Variants in ADCY8 observed in about 807,000 individuals in gnomAD.
The protein encoded by ADCY8 is adenylate cyclase 8.
ADCY8 carries 51 observed loss-of-function variants against 119.7 expected under a neutral mutation model. That is an observed-to-expected ratio of 0.43 (90% CI 0.34 to 0.54). The LOEUF (loss-of-function observed/expected upper bound fraction) is 0.54. Ranked by LOEUF, ADCY8 falls within the 20% of genes least tolerant of loss-of-function variation. ADCY8 has a pLI of 0.03. For missense variants in ADCY8, 1,383 were observed against 1,598.8 expected (o/e 0.87, Z 2.30); for synonymous variants, 665 against 651.0 (o/e 1.02, Z -0.33).
At chr8:130,827,766 T>G (rs1252540668) in intron 12 of ADCY8, among the ~76,000 whole-genome samples, 1 of 152,212 alleles carries the variant, frequency 6.6e-6, no homozygotes, top group Non-Finnish European at 1.5e-5. Context: ...GGTACAACAT[T>G]CATTGAAATG....
At chr8:130,875,018 A>G (rs2130425415) in intron 8 of ADCY8, among the ~76,000 whole-genome samples, 2 of 152,298 alleles carry the variant, frequency 1.3e-5, no homozygotes, top group South Asian at 4.1e-4. Context: ...CTGTAATTCT[A>G]TATTACACTG....
intron 5 of ADCY8, among the ~76,000 whole-genome samples, chr8:130,914,702 A>C (rs946963405): frequency 6.6e-6 from 1 of 152,186 alleles, no homozygotes; most frequent in Non-Finnish European, 1.5e-5. Flanking sequence ...TCCTAGCGAC[A>C]AGTCTTGTTC....
At chr8:130,850,199 C>G (rs887988276) in intron 9 of ADCY8, among the ~76,000 whole-genome samples, 1 of 152,276 alleles carries the variant, frequency 6.6e-6, no homozygotes, top group Non-Finnish European at 1.5e-5. Context: ...TCCACCTATC[C>G]TGATACCAAG....
intron 10 of ADCY8, among the ~76,000 whole-genome samples, chr8:130,848,756 C>T (rs12548835): frequency 0.3 from 45,738 of 152,048 alleles, 6,949 homozygotes; most frequent in African/African-American, 0.32. Flanking sequence ...ATCTAGCTGC[C>T]TGAGTCATGG....
intron 6 of ADCY8, among the ~76,000 whole-genome samples, chr8:130,907,933 C>T (rs531583739): frequency 5.3e-5 from 8 of 152,260 alleles, no homozygotes; most frequent in South Asian, 4.2e-4. Flanking sequence ...TGTCTATTCT[C>T]GTCTTTATGT....
chr8:130,924,300 C>T (rs1820398065), intron 5 of ADCY8, among the ~76,000 whole-genome samples: 1 of 152,064 alleles, frequency 6.6e-6, no homozygotes, highest in Admixed American at 6.5e-5. Flanking sequence ...GTTTGGAGTT[C>T]CAAGCTAAGG....
rs572272448 is a variant in ADCY8 at position 130,838,189 on chromosome 8, T to C, written c.2503-1740A>G. On this transcript the variant is annotated intron_variant, in intron 11 of 17. Coordinates refer to ENST00000286355, the MANE Select transcript of ADCY8 (RefSeq NM_001115.3). Reference sequence around the variant, plus strand: ...TTGACATTGACAAGTGTGGAGAGTGTCCTGACTGTGTTCTCTCAGAGGGCA... The same window carrying C: ...TTGACATTGACAAGTGTGGAGAGTGCCCTGACTGTGTTCTCTCAGAGGGCA... Among the ~76,000 whole-genome samples, 44 of 152,230 alleles carry C rather than the reference T, an allele frequency of 2.9e-4. No homozygotes were observed. In the South Asian group the frequency reaches 8.9e-3, roughly 31 times the overall value.
At chr8:130,846,770 C>T (rs1254312860) in intron 11 of ADCY8, among the ~76,000 whole-genome samples, 1 of 105,412 alleles carries the variant, frequency 9.5e-6, no homozygotes, top group Non-Finnish European at 1.9e-5. Context: ...CCTTCCCCTT[C>T]CTTCCTTCTC....
chr8:130,839,820 T>G (rs1817087165), intron 11 of ADCY8, among the ~76,000 whole-genome samples: 1 of 140,210 alleles, frequency 7.1e-6, no homozygotes, highest in Non-Finnish European at 1.6e-5. Context: ...TCCTCTAGTA[T>G]GGAAATCTGT....
intron 2 of ADCY8, among the ~76,000 whole-genome samples, chr8:130,972,851 C>A (rs12682647): frequency 8.2e-6 from 1 of 122,506 alleles, no homozygotes; most frequent in Non-Finnish European, 1.8e-5. Context: ...GTTTTTTTTT[C>A]CCCCAAACCA....
At chr8:130,827,269 G>T (rs1816696760) in intron 12 of ADCY8, among the ~76,000 whole-genome samples, 1 of 152,140 alleles carries the variant, frequency 6.6e-6, no homozygotes, top group African/African-American at 2.4e-5. Context: ...GTAAAATCCA[G>T]CTGCAGACAC....
chr8:130,855,820 C>T (rs1265390138), intron 9 of ADCY8, among the ~76,000 whole-genome samples: 2 of 152,104 alleles, frequency 1.3e-5, no homozygotes, highest in East Asian at 3.9e-4. Flanking sequence ...CCACTCTCTT[C>T]TCCTTATTAT....
chr8:130,951,916 A>T lies in ADCY8; in HGVS notation c.1193T>A (p.Leu398Gln), dbSNP rs1821284927. The change falls in exon 3 of 18, where the codon CTG becomes CAG. Residue 398 changes from leucine (L) to glutamine (Q), a missense_variant. By Grantham distance (113) the Leu-to-Gln change is moderately radical (BLOSUM62 -2). Around this residue, in one of 2 missense-constraint regions of ADCY8, gnomAD observed 928 missense variants for 1,163.5 expected, o/e 0.80. Transcript: ENST00000286355. ...NDMTNVEDEH[L>Q]QHQFHRIYIH... ...GTAGATCCGATGGAACTGGTGCTGC[A>T]GGTGCTCATCTTCCACATTGGTCAT... is the stretch of plus-strand genomic sequence containing the variant. 1.2e-6 allele frequency: 2 copies of T among 1,613,866 alleles called. No individual in the cohort carries two copies. Among genetic ancestry groups the T allele is most frequent in the Admixed American group, 3.3e-5 (2 of 60,006 alleles).
At chr8:131,024,201 C>G (rs563201717) in intron 1 of ADCY8, among the ~76,000 whole-genome samples, 1 of 152,288 alleles carries the variant, frequency 6.6e-6, no homozygotes, top group South Asian at 2.1e-4. Context: ...TTGGCAGTTT[C>G]ACGCCAATGA....
intron 14 of ADCY8, among the ~76,000 whole-genome samples, chr8:130,804,781 C>G (rs1253976002): frequency 6.6e-6 from 1 of 152,176 alleles, no homozygotes. Flanking sequence ...GAGTCTCACT[C>G]TATTGCCCAG....
chr8:130,939,275 A>G (rs1820888232), intron 4 of ADCY8, among the ~76,000 whole-genome samples: 1 of 152,210 alleles, frequency 6.6e-6, no homozygotes, highest in African/African-American at 2.4e-5. Flanking sequence ...TAAATTTAAC[A>G]TTATGAAAAC....
At chr8:130,810,432 A>T (rs1449936180) in intron 14 of ADCY8, among the ~76,000 whole-genome samples, 9 of 151,570 alleles carry the variant, frequency 5.9e-5, no homozygotes, top group African/African-American at 2.2e-4. Flanking sequence ...CAGCATTGTA[A>T]GGGGGAGAGG....
Position 131,040,454 on chromosome 8 carries a change from C to G in ADCY8, c.-121G>C, listed in dbSNP as rs1486148708. 5 of 1,263,008 alleles carry G rather than the reference C, an allele frequency of 4.0e-6. No homozygotes were observed. Among genetic ancestry groups the G allele is most frequent in the Non-Finnish European group, 4.1e-6 (4 of 979,480 alleles). The allele number at this position is 1,263,008 out of a possible 1,614,324, so 78.2% of individuals were successfully genotyped here. Reference sequence around the variant, plus strand: ...AAGGATCCTTTTTATCCTAGGCTGCCCCGTTGCAGGAGCCCTGCGCTAGGG... The same window carrying G: ...AAGGATCCTTTTTATCCTAGGCTGCGCCGTTGCAGGAGCCCTGCGCTAGGG... On this transcript the variant is annotated 5_prime_UTR_variant, in exon 1 of 18. Transcript: ENST00000286355.
chr8:130,786,138 T>C (rs1815242836), intron 15 of ADCY8, among the ~76,000 whole-genome samples: 1 of 152,234 alleles, frequency 6.6e-6, no homozygotes, highest in Admixed American at 6.5e-5. Flanking sequence ...CTTCTCTCCT[T>C]AGCACTTATC....
Sources: gnomAD v4.1 joint callset for allele counts (sites outside exome capture counted in the v4.1 genomes callset) on GRCh38, gnomAD v4.1.1 for gene constraint, gnomAD v4.1.1 regional missense constraint, MANE v1.5 for transcripts, NCBI Gene and HGNC (gene_info 2026-07-23, HGNC 2026-07-21) for gene names.